Variants in DNAAF4 observed in about 807,000 individuals in gnomAD.
The protein encoded by DNAAF4 is dynein axonemal assembly factor 4, also known as dynein assembly factor 4, axonemal.
A neutral mutation model predicts 51.8 loss-of-function variants in DNAAF4; 43 were observed. The ratio of observed to expected loss-of-function variants is 0.83; its 90% CI spans 0.65 to 1.07. The LOEUF (loss-of-function observed/expected upper bound fraction) is 1.07, where lower values mean the gene tolerates loss of function less well. Ranked by LOEUF, DNAAF4 falls within the 50% of genes least tolerant of loss-of-function variation. The pLI, the probability that DNAAF4 is intolerant of heterozygous loss-of-function variation, is 0.00. For missense variants in DNAAF4, 581 were observed against 493.0 expected (o/e 1.18, Z -1.69); for synonymous variants, 194 against 165.6 (o/e 1.17, Z -1.32).
chr15:55,433,495 G>C (rs961325280), intron 8 of DNAAF4, among the ~76,000 whole-genome samples: 1 of 151,264 alleles, frequency 6.6e-6, no homozygotes, highest in Non-Finnish European at 1.5e-5. Flanking sequence ...GTATGATGGC[G>C]GGCGCCTTCA....
In DNAAF4 at chr15:55,491,190, T is replaced by C. The variant is rs373595146; in HGVS notation, c.338A>G (p.Glu113Gly). The C allele has an allele frequency of 1.2e-6, 2 of 1,614,004 alleles. No homozygotes were observed. Among genetic ancestry groups the C allele is most frequent in the African/African-American group, 2.7e-5 (2 of 74,922 alleles). Residue 113 changes from glutamate to glycine, a missense_variant, in exon 4 of 10, where the codon GAA becomes GGA. Physicochemically the swap from Glu to Gly is moderately conservative, Grantham distance 98. Transcript: ENST00000321149. ...SILQAQERAK[E>G]ATEAKAAAKR... ...TGCTGCAGCTTTTGCTTCTGTAGCTTCTTTTGCTCTCTCTTGTGCTTGTAA... is the reference window on the plus strand; with the variant it reads ...TGCTGCAGCTTTTGCTTCTGTAGCTCCTTTTGCTCTCTCTTGTGCTTGTAA...
intron 7 of DNAAF4, chr15:55,418,554 T>G (rs966240152): frequency 6.8e-7 from 1 of 1,466,368 alleles, no homozygotes; most frequent in Admixed American, 2.1e-5. Context: ...TTTCCTAATA[T>G]TCAACACACT....
chr15:55,425,184 G>A (rs1016657297), intron 7 of DNAAF4, among the ~76,000 whole-genome samples: 2 of 152,214 alleles, frequency 1.3e-5, no homozygotes, highest in African/African-American at 4.8e-5. Flanking sequence ...GCTCTTAAGA[G>A]CCCAGTCATG....
At chr15:55,453,360 G>A (rs1410638740) in intron 5 of DNAAF4, among the ~76,000 whole-genome samples, 3 of 152,058 alleles carry the variant, frequency 2.0e-5, no homozygotes, top group African/African-American at 4.8e-5. Flanking sequence ...AATCCAGTAT[G>A]AGGAACAATC....
At chr15:55,492,314 T>G (rs1245993480) in intron 3 of DNAAF4, among the ~76,000 whole-genome samples, 1 of 148,584 alleles carries the variant, frequency 6.7e-6, no homozygotes, top group Admixed American at 6.7e-5. Context: ...GGAGAAAACT[T>G]GAGGGGAAGA....
At chr15:55,461,231 G>C (rs1431863461) in intron 5 of DNAAF4, among the ~76,000 whole-genome samples, 1 of 151,940 alleles carries the variant, frequency 6.6e-6, no homozygotes, top group African/African-American at 2.4e-5. Flanking sequence ...ACCACGCCTG[G>C]CTAATTTTTT....
intron 1 of DNAAF4, among the ~76,000 whole-genome samples, chr15:55,500,683 G>A (rs2058692119): frequency 6.6e-6 from 1 of 152,238 alleles, no homozygotes. Context: ...GACTCTGAAT[G>A]AATTATACCT....
chr15:55,448,078 A>G (rs2141453871), intron 6 of DNAAF4, among the ~76,000 whole-genome samples: 1 of 152,280 alleles, frequency 6.6e-6, no homozygotes, highest in East Asian at 1.9e-4. Flanking sequence ...ATTTTGAGAT[A>G]CTTCCCATCA....
At chr15:55,492,648 T>C (rs956599847) in intron 3 of DNAAF4, among the ~76,000 whole-genome samples, 3 of 152,032 alleles carry the variant, frequency 2.0e-5, no homozygotes, top group Non-Finnish European at 4.4e-5. Flanking sequence ...CAAGCAATTC[T>C]CCTGCCTCAG....
At position 55,476,400 on chromosome 15, in the gene DNAAF4, C is replaced by T. The variant is rs142444710; in HGVS notation, c.406-9239G>A. On this transcript the variant is annotated intron_variant, in intron 4 of 9. Transcript: ENST00000321149. The stretch of plus-strand genomic sequence containing the variant: ...ACCAGGAGTTTGAAGTTACAGTGAG[C>T]TATGAATGTACCACTGCACTCCAAC... Among the ~76,000 whole-genome samples the T allele has an allele frequency of 8.6e-3, 1,311 of 152,134 alleles. 18 individuals are homozygous for T. Among genetic ancestry groups the T allele is most frequent in the African/African-American group, 0.03 (1,254 of 41,488 alleles).
At chr15:55,469,800 A>G (rs2058226984) in intron 4 of DNAAF4, among the ~76,000 whole-genome samples, 1 of 151,536 alleles carries the variant, frequency 6.6e-6, no homozygotes, top group Admixed American at 6.6e-5. Flanking sequence ...TATGCTTACC[A>G]ATTCTCTAAC....
chr15:55,470,388 G>A (rs2058236669), intron 4 of DNAAF4, among the ~76,000 whole-genome samples: 1 of 152,084 alleles, frequency 6.6e-6, no homozygotes, highest in South Asian at 2.1e-4. Flanking sequence ...TGCAAATCAG[G>A]AAGAGGCAAA....
At chr15:55,437,121 T>A (rs535781321) in intron 7 of DNAAF4, among the ~76,000 whole-genome samples, 2 of 152,214 alleles carry the variant, frequency 1.3e-5, no homozygotes, top group East Asian at 3.8e-4. Flanking sequence ...CTGGCTCTAT[T>A]ACCTTGTTCT....
At chr15:55,433,950 A>ATATTTTATATAATATAT (rs1555413855) in intron 8 of DNAAF4, among the ~76,000 whole-genome samples, 6 of 33,160 alleles carry the variant, frequency 1.8e-4, no homozygotes, top group African/African-American at 5.7e-4. Flanking sequence ...TATATAATAT[A>ATATTTTATATAATATAT]TATAATATAT....
chr15:55,422,881 C>A (rs1439575737), intron 7 of DNAAF4, among the ~76,000 whole-genome samples: 1 of 152,066 alleles, frequency 6.6e-6, no homozygotes, highest in Non-Finnish European at 1.5e-5. Context: ...CCTGTAATCC[C>A]AGCTACTCGG....
At chr15:55,426,956 T>G (rs1419801616), downstream of DNAAF4, among the ~76,000 whole-genome samples, 1 of 152,228 alleles carries the variant, frequency 6.6e-6, no homozygotes, top group African/African-American at 2.4e-5. Context: ...AGGGGTTTAC[T>G]CTGCCTGCTG....
chr15:55,439,899 G>A (rs779432250), intron 6 of DNAAF4, among the ~76,000 whole-genome samples: 4 of 152,082 alleles, frequency 2.6e-5, no homozygotes, highest in Non-Finnish European at 4.4e-5. Context: ...GTGGGTGTCC[G>A]CAAGTTATGA....
At chr15:55,476,379 G>A (rs921055799) in intron 4 of DNAAF4, among the ~76,000 whole-genome samples, 1 of 152,140 alleles carries the variant, frequency 6.6e-6, no homozygotes, top group South Asian at 2.1e-4. Flanking sequence ...CTTGAGACCA[G>A]GAGTTTGAAG....
At chr15:55,480,468 C>T (rs574670101) in intron 4 of DNAAF4, among the ~76,000 whole-genome samples, 1 of 152,222 alleles carries the variant, frequency 6.6e-6, no homozygotes, top group African/African-American at 2.4e-5. Flanking sequence ...GAAAAACAAG[C>T]AGCCTTTTTC....
Sources: gnomAD v4.1 joint callset for allele counts (sites outside exome capture counted in the v4.1 genomes callset) on GRCh38, gnomAD v4.1.1 for gene constraint, MANE v1.5 for transcripts, NCBI Gene and HGNC (gene_info 2026-07-23, HGNC 2026-07-21) for gene names.